FBXW4: variants seen among roughly 807,000 people sequenced by gnomAD.
FBXW4 encodes the protein F-box and WD repeat domain containing 4.
Under a neutral mutation model 61.8 loss-of-function variants are expected in FBXW4, and 40 were observed. That is an observed-to-expected ratio of 0.65 (90% CI 0.50 to 0.84). The LOEUF is 0.84. Among genes scored for constraint, FBXW4 ranks in the 40% least tolerant of loss-of-function variants. The pLI is 0.00. For missense variants in FBXW4, 672 were observed against 753.8 expected (o/e 0.89, Z 1.27); for synonymous variants, 311 against 313.8 (o/e 0.99, Z 0.10).
chr10:101,695,205 C>T, upstream of FBXW4: 1 of 985,034 alleles, frequency 1.0e-6, no homozygotes, highest in Non-Finnish European at 1.2e-6. The surrounding 1 kb of genome is among the most constrained non-coding windows in gnomAD (Gnocchi z 4.2). Flanking sequence ...TCACATGGGG[C>T]GGCGCGGGCC....
intron 5 of FBXW4, among the ~76,000 whole-genome samples, chr10:101,649,725 A>T (rs928364589): frequency 2.6e-5 from 4 of 152,352 alleles, no homozygotes; most frequent in African/African-American, 7.2e-5. Flanking sequence ...AGCAGCACAG[A>T]GGAGCCCCTG....
At chr10:101,619,805 A>C (rs2063854229) in intron 6 of FBXW4, among the ~76,000 whole-genome samples, 1 of 152,056 alleles carries the variant, frequency 6.6e-6, no homozygotes, top group African/African-American at 2.4e-5. Context: ...CCAGCCTGCA[A>C]GGAGAACAGT....
chr10:101,688,203 G>A (rs956321096), intron 1 of FBXW4, among the ~76,000 whole-genome samples: 1 of 152,200 alleles, frequency 6.6e-6, no homozygotes, highest in Admixed American at 6.5e-5. Context: ...CAACAGACGT[G>A]GTGATGTTTT....
At chr10:101,614,866 A>T (rs2063814055) in intron 6 of FBXW4, among the ~76,000 whole-genome samples, 1 of 152,118 alleles carries the variant, frequency 6.6e-6, no homozygotes, top group African/African-American at 2.4e-5. Context: ...TTGATTTGGG[A>T]AAACAAACAG....
chr10:101,654,504 T>C (rs2064170248), intron 5 of FBXW4, among the ~76,000 whole-genome samples: 1 of 152,140 alleles, frequency 6.6e-6, no homozygotes, highest in African/African-American at 2.4e-5. Context: ...CTGCCTGATA[T>C]TAAAATAGAC....
chr10:101,667,854 G>T (rs2064320727), intron 5 of FBXW4, 32 bp downstream of exon 5: 1 of 1,569,550 alleles, frequency 6.4e-7, no homozygotes, highest in Non-Finnish European at 8.8e-7. Context: ...TATTATACAG[G>T]ACAAAACCAC....
chr10:101,656,403 T>C (rs1159618359), intron 5 of FBXW4, among the ~76,000 whole-genome samples: 1 of 152,218 alleles, frequency 6.6e-6, no homozygotes, highest in Non-Finnish European at 1.5e-5. Flanking sequence ...AAAGGCCTGG[T>C]GGCCTCACAT....
chr10:101,626,804 C>A (rs551187413), intron 5 of FBXW4: 1 of 152,396 alleles, frequency 6.6e-6, no homozygotes, highest in South Asian at 2.1e-4. Context: ...CTCTTAAGGC[C>A]TATGGCAGGC....
At chr10:101,686,938 T>C (rs998583442) in intron 1 of FBXW4, among the ~76,000 whole-genome samples, 1 of 152,124 alleles carries the variant, frequency 6.6e-6, no homozygotes, top group African/African-American at 2.4e-5. Context: ...TTGATTCAAC[T>C]TTTTGATGTA....
chr10:101,677,515 G>A (rs1282376580), intron 1 of FBXW4, among the ~76,000 whole-genome samples: 1 of 152,188 alleles, frequency 6.6e-6, no homozygotes, highest in Non-Finnish European at 1.5e-5. Flanking sequence ...ATTACTACCA[G>A]GATAGGGATG....
chr10:101,695,091 G>T lies in FBXW4; in HGVS notation c.15C>A (p.Gly5=), dbSNP rs1254110323. 6.1e-6 allele frequency: 6 copies of T among 986,400 alleles called. No individual in the cohort carries two copies. Among genetic ancestry groups the T allele is most frequent in the Non-Finnish European group, 7.2e-6 (6 of 831,040 alleles). 61.1% of individuals were successfully genotyped at this position (986,400 alleles called of 1,614,324 possible). ...CGCCGTTCCCGGGGGGCCCCGAGCG[G>T]CCCTGGCTGCCCATGAGCGGCCGCG... The part of the protein sequence containing the change: MGSQ[G]RSGPPGNGGP... The change falls in exon 1 of 9, where the codon GGC becomes GGA. Residue 5 remains glycine, a synonymous_variant. Transcript: ENST00000331272. The surrounding 1 kb of genome is among the most constrained non-coding windows in gnomAD (Gnocchi z 4.2).
intron 1 of FBXW4, among the ~76,000 whole-genome samples, chr10:101,677,668 C>A (rs2064428101): frequency 6.6e-6 from 1 of 151,916 alleles, no homozygotes; most frequent in Admixed American, 6.6e-5. Context: ...CAACTGTAAT[C>A]TCAACACTTT....
At chr10:101,614,990 T>C (rs533464113) in intron 6 of FBXW4, among the ~76,000 whole-genome samples, 1 of 152,134 alleles carries the variant, frequency 6.6e-6, no homozygotes, top group South Asian at 2.1e-4. Flanking sequence ...CCCCAAACTT[T>C]GGGGGAAAAG....
intron 4 of FBXW4, 121 bp from the exon 5 acceptor site, chr10:101,668,101 C>G: frequency 1.4e-6 from 1 of 739,754 alleles, no homozygotes; most frequent in Non-Finnish European, 2.4e-6. Flanking sequence ...GCCCTGCACA[C>G]ACAGAGCTCA....
chr10:101,655,942 C>T (rs1265498772), intron 5 of FBXW4, among the ~76,000 whole-genome samples: 1 of 152,176 alleles, frequency 6.6e-6, no homozygotes, highest in East Asian at 1.9e-4. Flanking sequence ...TTCAAAATTC[C>T]CCAATCAATG....
At chr10:101,681,057 A>G (rs547719798) in intron 1 of FBXW4, among the ~76,000 whole-genome samples, 1 of 152,326 alleles carries the variant, frequency 6.6e-6, no homozygotes, top group Non-Finnish European at 1.5e-5. Flanking sequence ...ATAAAGGTAG[A>G]GGTGGGGAGA....
At chr10:101,617,404 C>T (rs1431779959) in intron 6 of FBXW4, among the ~76,000 whole-genome samples, 4 of 152,170 alleles carry the variant, frequency 2.6e-5, no homozygotes, top group African/African-American at 7.2e-5. Context: ...GCTTTTCCAC[C>T]TCACAGATGC....
At position 101,611,150 on chromosome 10, in the gene FBXW4, G is replaced by T; in HGVS notation, c.*141C>A. 8.9e-7 allele frequency: 1 copy of T among 1,126,402 alleles called. No individual in the cohort carries two copies. 69.8% of individuals were successfully genotyped at this position (1,126,402 alleles called of 1,614,324 possible). On this transcript the variant is annotated 3_prime_UTR_variant, in exon 9 of 9. Coordinates refer to ENST00000331272, the MANE Select transcript of FBXW4 (RefSeq NM_022039.4). The surrounding 1 kb of genome is among the most constrained non-coding windows in gnomAD (Gnocchi z 4.9). ...AAGTCCCAGGAGTCAGAAGCCTCTA[G>T]TGCAAGGTGCCTGAGCACTGGGGTC...
chr10:101,692,071 T>C (rs1489585319), intron 1 of FBXW4, among the ~76,000 whole-genome samples: 1 of 151,674 alleles, frequency 6.6e-6, no homozygotes, highest in African/African-American at 2.4e-5. Flanking sequence ...ACAAAAGTCC[T>C]TGAAAAAGTA....
Sources: allele counts gnomAD v4.1 joint callset (sites outside exome capture counted in the v4.1 genomes callset), GRCh38; gene constraint gnomAD v4.1.1; non-coding constraint Gnocchi (gnomAD v3.1); transcripts MANE v1.5; gene names NCBI Gene and HGNC (gene_info 2026-07-23, HGNC 2026-07-21).